Variants in DYRK4 observed in about 807,000 individuals in gnomAD.
The protein encoded by DYRK4 is dual specificity tyrosine phosphorylation regulated kinase 4.
A neutral mutation model predicts 68.3 loss-of-function variants in DYRK4; 64 were observed. The ratio of observed to expected loss-of-function variants is 0.94; its 90% CI spans 0.77 to 1.15. The LOEUF (loss-of-function observed/expected upper bound fraction) is 1.15. Among genes scored for constraint, DYRK4 ranks in the 50% most tolerant of loss-of-function variants. The probability of loss-of-function intolerance (pLI) is 0.00; values close to 1 mark genes in which losing one functional copy is unlikely to be tolerated. For synonymous variants in DYRK4, 274 were observed against 289.9 expected, an observed-to-expected ratio of 0.95 and a Z score of 0.56; for missense variants, 740 against 764.7, an observed-to-expected ratio of 0.97 and a Z score of 0.38.
intron 6 of DYRK4, 62 bp from the exon 7 acceptor site, chr12:4,596,087 A>C: frequency 6.4e-7 from 1 of 1,572,424 alleles, no homozygotes; most frequent in South Asian, 1.1e-5. Flanking sequence ...TGCCAGGGCC[A>C]TGTACCAGGA....
intron 10 of DYRK4, chr12:4,602,044 G>T: frequency 5.3e-6 from 2 of 377,252 alleles, no homozygotes; most frequent in South Asian, 3.1e-5. Context: ...AACCTAATTG[G>T]AAAGTTATCT....
intron 12 of DYRK4, among the ~76,000 whole-genome samples, chr12:4,609,073 G>A (rs1945187855): frequency 6.6e-6 from 1 of 152,176 alleles, no homozygotes; most frequent in Non-Finnish European, 1.5e-5. Flanking sequence ...TAGCAGGAAG[G>A]GAACACAGAG....
At chr12:4,586,688 T>C (rs1252740229) in intron 2 of DYRK4, among the ~76,000 whole-genome samples, 2 of 143,610 alleles carry the variant, frequency 1.4e-5, no homozygotes, top group Non-Finnish European at 3.0e-5. Context: ...CTGGGGCTGC[T>C]AAACTCCTGG....
intron 11 of DYRK4, among the ~76,000 whole-genome samples, chr12:4,605,729 G>GGTTTTTTTTTT (rs1491142357): frequency 2.0e-5 from 2 of 102,118 alleles, no homozygotes; most frequent in African/African-American, 3.7e-5. Context: ...ATAGAGCTGG[G>GGTTTTTTTTTT]TTTTTTTTTT....
chr12:4,600,189 T>C (rs1945065365), intron 10 of DYRK4, among the ~76,000 whole-genome samples: 1 of 152,158 alleles, frequency 6.6e-6, no homozygotes, highest in Non-Finnish European at 1.5e-5. Context: ...CCAGATCCTC[T>C]AGGTTTTATT....
intron 2 of DYRK4, among the ~76,000 whole-genome samples, chr12:4,577,186 A>G (rs1431889449): frequency 1.3e-5 from 2 of 152,200 alleles, no homozygotes; most frequent in African/African-American, 4.8e-5. Flanking sequence ...TGGAAGGTAT[A>G]AATTCTGTGT....
chr12:4,586,662 G>A (rs1180394193), intron 2 of DYRK4, among the ~76,000 whole-genome samples: 14 of 151,336 alleles, frequency 9.3e-5, no homozygotes, highest in African/African-American at 1.5e-4. Flanking sequence ...ACCAGTCCTC[G>A]GGGTCACTTG....
intron 2 of DYRK4, among the ~76,000 whole-genome samples, chr12:4,582,954 C>A (rs1944858860): frequency 1.3e-5 from 2 of 152,088 alleles, no homozygotes; most frequent in South Asian, 4.1e-4. Context: ...TCTGAGGCCA[C>A]TCAGGAGGAA....
intron 10 of DYRK4, among the ~76,000 whole-genome samples, 188 bp downstream of exon 10, chr12:4,599,976 C>T (rs1028840499): frequency 6.6e-6 from 1 of 152,172 alleles, no homozygotes; most frequent in African/African-American, 2.4e-5. Context: ...TATCCAAATA[C>T]TAGAAGGGTG....
intron 2 of DYRK4, among the ~76,000 whole-genome samples, chr12:4,585,603 G>C (rs1018891006): frequency 2.0e-5 from 3 of 151,428 alleles, no homozygotes; most frequent in Non-Finnish European, 2.9e-5. Context: ...ACAGGAAGGG[G>C]AACATCACAC....
In DYRK4 at chr12:4,612,502, A is replaced by G. The variant is rs758644749; in HGVS notation, c.1491-41A>G. 1.1e-5 allele frequency: 17 copies of G among 1,567,838 alleles called. No homozygotes were observed. In the East Asian group the frequency reaches 3.8e-4, roughly 35 times the overall value. The stretch of plus-strand genomic sequence containing the variant: ...AAAAATGTTTTAATATATTAAAAGG[A>G]AATAAAACAATAACCCATGTGGGGC... On this transcript the variant is annotated intron_variant, in intron 13 of 14. Transcript: ENST00000543431.
At chr12:4,608,607 C>T (rs1476879977) in intron 12 of DYRK4, among the ~76,000 whole-genome samples, 1 of 152,106 alleles carries the variant, frequency 6.6e-6, no homozygotes, top group Non-Finnish European at 1.5e-5. Flanking sequence ...CTCCCTGGCC[C>T]TCTCCCAGGA....
At chr12:4,598,619 A>G (rs946684910) in intron 8 of DYRK4, among the ~76,000 whole-genome samples, 1 of 152,158 alleles carries the variant, frequency 6.6e-6, no homozygotes, top group Non-Finnish European at 1.5e-5. Flanking sequence ...CTTGTTCCTT[A>G]CTTGTCAGGA....
chr12:4,573,500 T>C (rs1944753425), intron 2 of DYRK4: 1 of 804,274 alleles, frequency 1.2e-6, no homozygotes, highest in African/African-American at 1.8e-5. Context: ...GGCATGTCTC[T>C]GAGTACAAGA....
intron 7 of DYRK4, 117 bp downstream of exon 7, chr12:4,596,402 TTTCTC>T: frequency 7.1e-6 from 11 of 1,542,112 alleles, no homozygotes; most frequent in Non-Finnish European, 9.6e-6. Context: ...TGTCTTCCCT[TTTCTC>T]TTTCTACCCG....
intron 2 of DYRK4, among the ~76,000 whole-genome samples, chr12:4,582,306 T>G (rs949313678): frequency 3.3e-5 from 5 of 151,926 alleles, no homozygotes; most frequent in African/African-American, 1.2e-4. Flanking sequence ...TAGCCAGGCG[T>G]GGTGGCGCGT....
chr12:4,579,991 A>C (rs1049461941), intron 2 of DYRK4, among the ~76,000 whole-genome samples: 2 of 152,176 alleles, frequency 1.3e-5, no homozygotes, highest in Non-Finnish European at 2.9e-5. Flanking sequence ...TATCTTGGAC[A>C]AGTCACTTGG....
chr12:4,577,164 A>T (rs548654713), intron 2 of DYRK4, among the ~76,000 whole-genome samples: 23 of 152,226 alleles, frequency 1.5e-4, no homozygotes, highest in Admixed American at 1.5e-3. Context: ...AGCCATTTTG[A>T]GTTAATCTTT....
At chr12:4,583,361 C>T (rs1187011221) in intron 2 of DYRK4, among the ~76,000 whole-genome samples, 1 of 151,978 alleles carries the variant, frequency 6.6e-6, no homozygotes, top group African/African-American at 2.4e-5. Context: ...CCATCACCCA[C>T]CCCAACGCCA....
Sources: allele counts gnomAD v4.1 joint callset (sites outside exome capture counted in the v4.1 genomes callset), GRCh38; gene constraint gnomAD v4.1.1; transcripts MANE v1.5; gene names NCBI Gene and HGNC (gene_info 2026-07-23, HGNC 2026-07-21).